GPHN: variants seen among roughly 807,000 people sequenced by gnomAD.
GPHN encodes gephyrin.
Under a neutral mutation model 95.5 loss-of-function variants are expected in GPHN, and 17 were observed. The ratio of observed to expected loss-of-function variants is 0.18; its 90% confidence interval spans 0.12 to 0.27. The LOEUF is 0.27. GPHN is among the 10% of genes least tolerant of loss of function. The probability of loss-of-function intolerance (pLI) is 1.00; values close to 1 mark genes in which losing one functional copy is unlikely to be tolerated. For missense variants in GPHN, 660 were observed against 978.1 expected, an observed-to-expected ratio of 0.67 and a Z score of 4.34; for synonymous variants, 320 against 322.5, an observed-to-expected ratio of 0.99 and a Z score of 0.08.
the GPHN span, chr14:67,590,313 C>CGCAATCTCGGCTCACT: frequency 8.7e-6 from 5 of 574,354 alleles, no homozygotes; most frequent in Admixed American, 3.6e-5. Flanking sequence ...AGTGCAGTGG[C>CGCAATCTCGGCTCACT]GCAATCTCGG....
chr14:67,473,900 C>T, the GPHN span: 4 of 1,607,662 alleles, frequency 2.5e-6, no homozygotes, highest in Admixed American at 1.7e-5. This position sits in a 1 kb window ranked among gnomAD's most constrained non-coding sequence, Gnocchi z 6.5. Context: ...GGGACAGCGC[C>T]GTCAGGGGCT....
intron 1 of GPHN, among the ~76,000 whole-genome samples, chr14:66,536,722 A>C (rs1346950414): frequency 1.3e-5 from 2 of 152,208 alleles, no homozygotes; most frequent in Non-Finnish European, 2.9e-5. Flanking sequence ...GTGTACTTGA[A>C]TGTTGATTCT....
At chr14:67,525,374 G>A in the GPHN span, among the ~76,000 whole-genome samples, 1 of 151,980 alleles carries the variant, frequency 6.6e-6, no homozygotes, top group African/African-American at 2.4e-5. Context: ...CATTTTGATG[G>A]CTGCATAGTA....
chr14:66,924,024 G>A (rs868001426), intron 7 of GPHN, among the ~76,000 whole-genome samples, 170 bp from the exon 8 acceptor site: 1 of 152,040 alleles, frequency 6.6e-6, no homozygotes, highest in Non-Finnish European at 1.5e-5. Flanking sequence ...TCTTAGGAGA[G>A]AAGCTTATGG....
chr14:66,990,931 A>G lies in GPHN; in HGVS notation c.963+25606A>G, dbSNP rs563521119. 1.4e-3 allele frequency among the ~76,000 whole-genome samples: 214 copies of G among 152,068 alleles called. 2 individuals carry two copies. Among genetic ancestry groups the G allele is most frequent in the Admixed American group, 3.9e-3 (59 of 15,264 alleles). ...CATCATTCAGAAGTGTGAGATAAGGATTTAATTAAATCATTAATGCTTGAA... is the reference window on the plus strand; with the variant it reads ...CATCATTCAGAAGTGTGAGATAAGGGTTTAATTAAATCATTAATGCTTGAA... On this transcript the variant is annotated intron_variant, in intron 9 of 22. Transcript: ENST00000478722.
chr14:67,552,347 T>A, the GPHN span, among the ~76,000 whole-genome samples: 5 of 152,166 alleles, frequency 3.3e-5, no homozygotes, highest in Admixed American at 6.5e-5. Context: ...AGAAGAAAGA[T>A]CTGCCCTCGT....
At chr14:67,182,576 C>A (rs2083341099), downstream of GPHN, among the ~76,000 whole-genome samples, 2 of 152,158 alleles carry the variant, frequency 1.3e-5, no homozygotes, top group Admixed American at 1.3e-4. Flanking sequence ...TATGTACATT[C>A]ATTCAAGAAA....
At chr14:67,559,403 G>A in the GPHN span, among the ~76,000 whole-genome samples, 6 of 152,090 alleles carry the variant, frequency 3.9e-5, no homozygotes, top group East Asian at 7.7e-4. Flanking sequence ...CAACCCCTTC[G>A]TGGTGAACAC....
chr14:66,913,996 G>T (rs925742681), intron 5 of GPHN, among the ~76,000 whole-genome samples: 3 of 151,988 alleles, frequency 2.0e-5, no homozygotes, highest in African/African-American at 7.2e-5. Flanking sequence ...ACTTCAAAGA[G>T]ATCAGGGAAA....
chr14:66,513,292 A>G (rs2058112282), intron 1 of GPHN, among the ~76,000 whole-genome samples: 1 of 151,816 alleles, frequency 6.6e-6, no homozygotes. Context: ...AAGGACTTGA[A>G]AAAGTATTAG....
rs79810431 is a variant in GPHN at position 66,594,393 on chromosome 14, C to G, written c.64+85802C>G. On this transcript the variant is annotated intron_variant, in intron 1 of 22. Coordinates refer to ENST00000478722, the MANE Select transcript of GPHN (RefSeq NM_020806.5). The stretch of plus-strand genomic sequence containing the variant: ...GAGTAAAAAGGATAAAACTGGAGGC[C>G]TCATAGTGCGTGCTTTGAAAATCTA... 3.6e-3 allele frequency among the ~76,000 whole-genome samples: 555 copies of G among 152,184 alleles called. 11 individuals carry two copies. Among genetic ancestry groups the G allele is most frequent in the African/African-American group, 0.013 (529 of 41,520 alleles).
chr14:67,540,840 C>G, the GPHN span, among the ~76,000 whole-genome samples: 37 of 152,012 alleles, frequency 2.4e-4, no homozygotes, highest in African/African-American at 8.2e-4. Context: ...GCCTGTATCC[C>G]TCTCTCTCAT....
the GPHN span, chr14:67,729,187 C>T: frequency 6.8e-6 from 11 of 1,612,850 alleles, no homozygotes; most frequent in Non-Finnish European, 9.3e-6. Flanking sequence ...CCTCTTTGTC[C>T]CAGGCACCGG....
At chr14:67,338,990 G>A in the GPHN span, among the ~76,000 whole-genome samples, 829 of 146,726 alleles carry the variant, frequency 5.6e-3, 9 homozygotes, top group African/African-American at 0.02. Context: ...TGAGACAGAA[G>A]CCTTTTTTTT....
intron 17 of GPHN, among the ~76,000 whole-genome samples, chr14:67,133,452 G>A (rs10141952): frequency 0.17 from 25,635 of 152,060 alleles, 4,203 homozygotes; most frequent in East Asian, 0.45. Context: ...GGTAAATGCT[G>A]TAAAATTCAA....
chr14:67,320,946 A>G, the GPHN span: 1 of 853,828 alleles, frequency 1.2e-6, no homozygotes, highest in East Asian at 2.6e-5. Flanking sequence ...TTCTCAGTTT[A>G]TTATTTTATA....
chr14:67,555,845 G>A, the GPHN span: 1 of 1,613,250 alleles, frequency 6.2e-7, no homozygotes, highest in South Asian at 1.1e-5. Context: ...TGGAGCAGAG[G>A]CTGCTGGAGG....
chr14:67,468,723 G>A, the GPHN span, among the ~76,000 whole-genome samples: 6 of 151,958 alleles, frequency 3.9e-5, no homozygotes, highest in Admixed American at 1.3e-4. Flanking sequence ...GCAAAACCCC[G>A]TCTCTACTAA....
At chr14:66,722,134 T>C (rs1235836920) in intron 2 of GPHN, among the ~76,000 whole-genome samples, 3 of 151,988 alleles carry the variant, frequency 2.0e-5, no homozygotes, top group Admixed American at 2.0e-4. Flanking sequence ...TAAGCACATA[T>C]AGAAGTTACA....
Sources: gnomAD v4.1 joint callset for allele counts (sites outside exome capture counted in the v4.1 genomes callset) on GRCh38, gnomAD v4.1.1 for gene constraint, Gnocchi (gnomAD v3.1) non-coding constraint, MANE v1.5 for transcripts, NCBI Gene and HGNC (gene_info 2026-07-23, HGNC 2026-07-21) for gene names.